Variants in MYO5B observed in about 807,000 individuals in gnomAD.
MYO5B encodes unconventional myosin-Vb.
Under a neutral mutation model 229.3 loss-of-function variants are expected in MYO5B, and 143 were observed. The ratio of observed to expected loss-of-function variants is 0.62; its 90% CI spans 0.54 to 0.72. The LOEUF (loss-of-function observed/expected upper bound fraction) is 0.72, where lower values mean the gene tolerates loss of function less well. Among genes scored for constraint, MYO5B ranks in the 30% least tolerant of loss-of-function variants. MYO5B has a pLI of 0.00. For missense variants in MYO5B, 2,321 were observed against 2,331.0 expected (o/e 1.00, Z 0.09); for synonymous variants, 918 against 885.2 (o/e 1.04, Z -0.66).
intron 1 of MYO5B, among the ~76,000 whole-genome samples, chr18:50,063,028 A>C (rs1262432284): frequency 6.6e-6 from 1 of 152,140 alleles, no homozygotes; most frequent in Non-Finnish European, 1.5e-5. Flanking sequence ...GCACATTTTA[A>C]GTGCTTAGTA....
At chr18:50,132,483 A>G (rs893756807) in intron 1 of MYO5B, among the ~76,000 whole-genome samples, 1 of 152,248 alleles carries the variant, frequency 6.6e-6, no homozygotes, top group Admixed American at 6.5e-5. Context: ...TGTGTAAATT[A>G]ATAATGCTGA....
intron 1 of MYO5B, among the ~76,000 whole-genome samples, chr18:50,114,998 CA>C (rs747208169): frequency 6.6e-6 from 1 of 152,212 alleles, no homozygotes; most frequent in Non-Finnish European, 1.5e-5. Context: ...CCAGACATAG[CA>C]GAGAACAGAG....
At chr18:49,847,095 C>T (rs752404241) in intron 33 of MYO5B, 51 bp downstream of exon 33, 17 of 1,605,478 alleles carry the variant, frequency 1.1e-5, no homozygotes, top group South Asian at 4.4e-5. Context: ...GAGATGGGAG[C>T]GGGGGCTGAA....
At chr18:50,115,455 G>A (rs534579871) in intron 1 of MYO5B, among the ~76,000 whole-genome samples, 3 of 151,930 alleles carry the variant, frequency 2.0e-5, no homozygotes, top group Non-Finnish European at 2.9e-5. Context: ...AATTATGTAC[G>A]GAGCACCTAC....
intron 1 of MYO5B, among the ~76,000 whole-genome samples, chr18:50,183,418 A>C (rs1480532349): frequency 2.0e-5 from 3 of 150,742 alleles, no homozygotes; most frequent in African/African-American, 7.4e-5. Flanking sequence ...AAAGCACATT[A>C]AATGATGATA....
intron 9 of MYO5B, among the ~76,000 whole-genome samples, chr18:49,978,694 TACACACACACAC>T (rs10527520): frequency 0.47 from 65,162 of 139,054 alleles, 15,401 homozygotes; most frequent in East Asian, 0.65. Context: ...CAGCAAGTAA[TACACACACACAC>T]ACACACACAC....
In MYO5B at chr18:50,142,843, T is replaced by C. The variant is rs1235690811; in HGVS notation, c.27+51924A>G. 2.6e-5 allele frequency among the ~76,000 whole-genome samples: 4 copies of C among 152,218 alleles called. No homozygotes were observed. The East Asian group carries it at 5.8e-4, about 22-fold the overall frequency. On this transcript the variant is annotated intron_variant, in intron 1 of 39. Transcript: ENST00000285039. ...TTGCAAATTCAAGTGCACCGAGGCA[T>C]ACCATGTGAAATCACAACAGCATCA...
At chr18:49,965,993 T>G (rs1297221136) in intron 10 of MYO5B, among the ~76,000 whole-genome samples, 5 of 152,188 alleles carry the variant, frequency 3.3e-5, no homozygotes, top group Non-Finnish European at 7.3e-5. Context: ...CAAAGTGTCA[T>G]GCAAGCCCTT....
chr18:50,013,526 C>A (rs1419446554), intron 4 of MYO5B, among the ~76,000 whole-genome samples: 1 of 152,200 alleles, frequency 6.6e-6, no homozygotes, highest in Non-Finnish European at 1.5e-5. Context: ...GAGAGAATTA[C>A]AGATTCCCTC....
At chr18:50,069,496 G>A (rs569109482) in intron 1 of MYO5B, among the ~76,000 whole-genome samples, 36 of 152,260 alleles carry the variant, frequency 2.4e-4, no homozygotes, top group Admixed American at 7.2e-4. Context: ...AGCTAGATGT[G>A]ACACACTGTC....
At chr18:49,847,028 G>C in intron 33 of MYO5B, 118 bp downstream of exon 33, 1 of 1,326,056 alleles carries the variant, frequency 7.5e-7, no homozygotes, top group South Asian at 1.2e-5. Context: ...GTAGGAGACA[G>C]AGGGTGGGGG....
At chr18:50,000,429 A>G (rs1212955470) in intron 5 of MYO5B, among the ~76,000 whole-genome samples, 2 of 152,300 alleles carry the variant, frequency 1.3e-5, no homozygotes, top group Non-Finnish European at 2.9e-5. Flanking sequence ...GCTCCTACCA[A>G]CTGTAACCAA....
At chr18:50,152,143 C>G (rs992863932) in intron 1 of MYO5B, among the ~76,000 whole-genome samples, 2 of 152,326 alleles carry the variant, frequency 1.3e-5, no homozygotes, top group East Asian at 3.9e-4. Flanking sequence ...GTTTGATTCA[C>G]AGGCCTTCGT....
At chr18:50,151,834 T>C (rs921103018) in intron 1 of MYO5B, among the ~76,000 whole-genome samples, 11 of 152,178 alleles carry the variant, frequency 7.2e-5, no homozygotes, top group Non-Finnish European at 8.8e-5. Context: ...GGAATCGTGG[T>C]GATCTTACCC....
chr18:50,138,761 C>T (rs2032373991), intron 1 of MYO5B, among the ~76,000 whole-genome samples: 1 of 152,164 alleles, frequency 6.6e-6, no homozygotes, highest in Non-Finnish European at 1.5e-5. Context: ...TTGTTATCCA[C>T]AGATGAAGAA....
intron 18 of MYO5B, among the ~76,000 whole-genome samples, chr18:49,907,712 G>A (rs1173698651): frequency 6.6e-6 from 1 of 152,220 alleles, no homozygotes; most frequent in Non-Finnish European, 1.5e-5. Context: ...ACTAGGAGTC[G>A]GGTTCCACAC....
intron 39 of MYO5B, among the ~76,000 whole-genome samples, chr18:49,829,310 T>C (rs1304283932): frequency 6.6e-6 from 1 of 152,000 alleles, no homozygotes; most frequent in Non-Finnish European, 1.5e-5. Flanking sequence ...AAAAGGATTA[T>C]AAGAGAATAC....
intron 4 of MYO5B, among the ~76,000 whole-genome samples, chr18:50,004,558 G>C (rs1460438661): frequency 6.6e-6 from 1 of 152,154 alleles, no homozygotes; most frequent in Non-Finnish European, 1.5e-5. Flanking sequence ...TGGAAAAACT[G>C]ATGATTTTTA....
At chr18:49,888,492 G>A (rs2024671700) in intron 22 of MYO5B, among the ~76,000 whole-genome samples, 1 of 152,184 alleles carries the variant, frequency 6.6e-6, no homozygotes, top group South Asian at 2.1e-4. Flanking sequence ...AAGAACAAGT[G>A]CCTAAAGGTC....
Sources: allele counts gnomAD v4.1 joint callset (sites outside exome capture counted in the v4.1 genomes callset), GRCh38; gene constraint gnomAD v4.1.1; transcripts MANE v1.5; gene names NCBI Gene and HGNC (gene_info 2026-07-23, HGNC 2026-07-21).